The following GSTM2 variants were observed in gnomAD, a reference collection of about 807,000 sequenced individuals.
The protein encoded by GSTM2 is GST class-mu 2.
In GSTM2, 33 loss-of-function variants were observed where a neutral mutation model predicts 33.3. The observed-to-expected ratio is 0.99, with a 90% CI of 0.75 to 1.33. The LOEUF (loss-of-function observed/expected upper bound fraction) is 1.33, where lower values mean the gene tolerates loss of function less well. GSTM2 is among the 40% of genes most tolerant of loss of function. GSTM2 has a pLI of 0.00. For synonymous variants in GSTM2, 93 were observed against 95.6 expected (o/e 0.97, Z 0.16); for missense variants, 213 against 265.8 (o/e 0.80, Z 1.38).
intron 2 of GSTM2, 98 bp downstream of exon 2, chr1:109,668,598 T>G: frequency 7.5e-7 from 1 of 1,324,712 alleles, no homozygotes; most frequent in Non-Finnish European, 1.1e-6. Flanking sequence ...AGGCCTCCCT[T>G]GCTGGAACTG....
At chr1:109,668,403 A>AGCTGCGGGC (rs751090774) in intron 1 of GSTM2, 22 bp from the exon 2 acceptor site, 1 of 1,612,678 alleles carries the variant, frequency 6.2e-7, no homozygotes, top group Admixed American at 1.7e-5. Flanking sequence ...CTCTGACCCG[A>AGCTGCGGGC]GCTGTGGGCC....
chr1:109,671,650 A>C, intron 7 of GSTM2, 67 bp downstream of exon 7: 1 of 943,310 alleles, frequency 1.1e-6, no homozygotes, highest in Non-Finnish European at 1.8e-6. Context: ...ATGCTTTCCC[A>C]GTCCTGGAGC....
intron 2 of GSTM2, 92 bp from the exon 3 acceptor site, chr1:109,668,833 A>AG (rs1647424838): frequency 7.0e-7 from 1 of 1,430,788 alleles, no homozygotes; most frequent in African/African-American, 1.4e-5. Flanking sequence ...CACCTGTCTC[A>AG]GGGGTCTTGC....
Position 109,671,294 on chromosome 1 carries a change from T to G in GSTM2, c.368T>G (p.Leu123Arg). 1 of 1,612,650 alleles carries G rather than the reference T, an allele frequency of 6.2e-7. No homozygotes were observed. Among genetic ancestry groups the G allele is most frequent in the Non-Finnish European group, 8.5e-7 (1 of 1,178,642 alleles). ...AGCTGTTTTCTGCCTCAGGAGAAAC[T>G]GAAACCAGAATACCTGCAGGCACTC... Reference protein sequence around the residue: ...KLCYDPDFEKLKPEYLQALPE... With the variant: ...KLCYDPDFEKRKPEYLQALPE... Residue 123 changes from leucine to arginine, a missense_variant, in exon 6 of 8, where the codon CTG becomes CGG. Coordinates refer to ENST00000241337, the MANE Select transcript of GSTM2 (RefSeq NM_000848.4).
At chr1:109,672,352 C>A (rs2101252813) in intron 7 of GSTM2, among the ~76,000 whole-genome samples, 1 of 152,236 alleles carries the variant, frequency 6.6e-6, no homozygotes, top group East Asian at 1.9e-4. Flanking sequence ...CTGTACCCAG[C>A]ACATTATACC....
intron 3 of GSTM2, 38 bp downstream of exon 3, chr1:109,669,027 C>T (rs780542067): frequency 8.1e-6 from 13 of 1,598,438 alleles, no homozygotes; most frequent in East Asian, 2.2e-5. Context: ...GGGGAAAGTG[C>T]GACGTGTCTC....
At chr1:109,673,113 A>T in intron 7 of GSTM2, 1 of 1,511,352 alleles carries the variant, frequency 6.6e-7, no homozygotes, top group Non-Finnish European at 9.0e-7. Context: ...CAGGTGATCC[A>T]CCCACCTCAG....
At chr1:109,671,973 G>GAAAAA (rs34285855) in intron 7 of GSTM2, among the ~76,000 whole-genome samples, 1 of 76,384 alleles carries the variant, frequency 1.3e-5, no homozygotes, top group Non-Finnish European at 2.4e-5. Context: ...TCCATCTCAA[G>GAAAAA]AAAAAAAAAA....
rs764209562 is a variant in GSTM2 at position 109,669,517 on chromosome 1, C to G, written c.306C>G (p.Asn102Lys). 3.5e-5 allele frequency: 57 copies of G among 1,613,826 alleles called. No individual in the cohort carries two copies. The highest frequency in any genetic ancestry group is 4.7e-5 in the Non-Finnish European group (56 of 1,179,862). Residue 102 changes from asparagine to lysine, a missense_variant, in exon 5 of 8, where the codon AAC (asparagine) becomes AAG (lysine). Asn to Lys is a moderately conservative substitution (Grantham distance 94, BLOSUM62 0). Coordinates refer to ENST00000241337, the MANE Select transcript of GSTM2 (RefSeq NM_000848.4). ...AGATTCGCGAAGACATTTTGGAGAA[C>G]CAGTTTATGGACAGCCGTATGCAGC... ...KEQIREDILE[N>K]QFMDSRMQLA...
At chr1:109,670,319 C>T (rs1395322052) in intron 5 of GSTM2, 1 of 152,160 alleles carries the variant, frequency 6.6e-6, no homozygotes, top group East Asian at 1.9e-4. Flanking sequence ...TTCTCCAAGT[C>T]CTCACCTGAC....
rs143897976 is a variant in GSTM2 at position 109,674,745 on chromosome 1, A to G, written c.568-2A>G. The stretch of plus-strand genomic sequence containing the variant: ...TTCTGGCCTTATTTTCCCCCCTCTC[A>G]GGGCTTGGAGAAGATCTCTGCCTAC... On this transcript the variant is annotated splice_acceptor_variant, in intron 7 of 7. Coordinates refer to ENST00000241337, the MANE Select transcript of GSTM2 (RefSeq NM_000848.4). LOFTEE classifies it high-confidence loss of function. 33 of 1,614,028 alleles carry G rather than the reference A, an allele frequency of 2.0e-5. No individual in the cohort carries two copies. Among genetic ancestry groups the G allele is most frequent in the Non-Finnish European group, 2.5e-5 (30 of 1,180,034 alleles).
intron 5 of GSTM2, chr1:109,670,884 T>G: frequency 5.9e-6 from 1 of 170,232 alleles, no homozygotes; most frequent in South Asian, 1.6e-4. Context: ...CAATGTCCAT[T>G]GTATTCTACT....
chr1:109,680,279 CAAAAAA>C (rs5776993), downstream of GSTM2, among the ~76,000 whole-genome samples: 1 of 131,050 alleles, frequency 7.6e-6, no homozygotes, highest in Non-Finnish European at 1.7e-5. Context: ...GTACACATAG[CAAAAAA>C]AAAAAAAAAA....
At chr1:109,673,863 T>G (rs1373911109) in intron 7 of GSTM2, among the ~76,000 whole-genome samples, 5 of 152,178 alleles carry the variant, frequency 3.3e-5, no homozygotes, top group Non-Finnish European at 7.3e-5. Flanking sequence ...CCTTCCAAAG[T>G]GCTGGGATTA....
chr1:109,669,571 T>A lies in GSTM2; in HGVS notation c.360T>A (p.Phe120Leu), dbSNP rs1180018937. ...CCAAACTCTGCTATGACCCAGATTT[T>A]GTAAGTCCCCCCACCCCACTCCCAG... The part of the protein sequence containing the change: ...QLAKLCYDPD[F>L]EKLKPEYLQA... Residue 120 changes from phenylalanine (F) to leucine (L), a missense_variant and splice_region_variant, in exon 5 of 8, where the codon TTT becomes TTA. Physicochemically the swap from Phe to Leu is conservative, Grantham distance 22 (BLOSUM62 0). Coordinates refer to ENST00000241337, the MANE Select transcript of GSTM2 (RefSeq NM_000848.4). 6.3e-7 allele frequency: 1 copy of A among 1,586,676 alleles called. No individual in the cohort carries two copies. Among genetic ancestry groups the A allele is most frequent in the African/African-American group, 1.4e-5 (1 of 73,750 alleles).
At chr1:109,672,544 C>T (rs1285448530) in intron 7 of GSTM2, among the ~76,000 whole-genome samples, 1 of 152,134 alleles carries the variant, frequency 6.6e-6, no homozygotes, top group Non-Finnish European at 1.5e-5. Flanking sequence ...CAGGGCTCTC[C>T]GTTTTGTGAC....
chr1:109,669,208 C>T, intron 3 of GSTM2, 82 bp from the exon 4 acceptor site: 2 of 1,506,208 alleles, frequency 1.3e-6, no homozygotes, highest in Non-Finnish European at 1.8e-6. Flanking sequence ...GCCCTGGTCT[C>T]CTCTTTGCCC....
At chr1:109,673,203 G>A (rs752032866) in intron 7 of GSTM2, 3 of 1,611,756 alleles carry the variant, frequency 1.9e-6, no homozygotes, top group African/African-American at 2.7e-5. Flanking sequence ...AATGTTCCAG[G>A]TGTTCCCCCT....
Position 109,668,929 on chromosome 1 carries a change from T to C in GSTM2, c.117T>C (p.Pro39=). Residue 39 remains proline (P), a synonymous_variant, in exon 3 of 8, where the codon CCT becomes CCC. Transcript: ENST00000241337. ...ACTTCATCTTCCCCACCACAGCTCC[T>C]GATTATGACAGAAGCCAGTGGCTGA... ...EEKKYTMGDA[P]DYDRSQWLNE... is the part of the protein sequence containing the mutation. 1 of 1,612,338 alleles carries C rather than the reference T, an allele frequency of 6.2e-7. No homozygotes were observed. The highest frequency in any genetic ancestry group is 1.1e-5 in the South Asian group (1 of 91,000).
Sources: gnomAD v4.1 joint callset for allele counts (sites outside exome capture counted in the v4.1 genomes callset) on GRCh38, gnomAD v4.1.1 for gene constraint, MANE v1.5 for transcripts, NCBI Gene and HGNC (gene_info 2026-07-23, HGNC 2026-07-21) for gene names.